The following DYSF variants were observed in gnomAD, a reference collection of about 807,000 sequenced individuals.
The protein encoded by DYSF is dysferlin.
Under a neutral mutation model 274.9 loss-of-function variants are expected in DYSF, and 212 were observed. That is an observed-to-expected ratio of 0.77 (90% CI 0.69 to 0.86). The LOEUF is 0.86. DYSF is among the 40% of genes least tolerant of loss of function. DYSF has a pLI of 0.00. For synonymous variants in DYSF, 1,091 were observed against 1,078.7 expected (o/e 1.01, Z -0.22); for missense variants, 2,666 against 2,783.2 (o/e 0.96, Z 0.95).
chr2:71,658,704 G>A (rs1019956779), intron 43 of DYSF, among the ~76,000 whole-genome samples, 174 bp from the exon 44 acceptor site: 1 of 152,118 alleles, frequency 6.6e-6, no homozygotes, highest in Non-Finnish European at 1.5e-5. Flanking sequence ...TTACTATCAC[G>A]AGAATAGCAT....
At chr2:71,593,283 C>A (rs1296828938) in intron 32 of DYSF, among the ~76,000 whole-genome samples, 1 of 152,010 alleles carries the variant, frequency 6.6e-6, no homozygotes, top group African/African-American at 2.4e-5. Context: ...CAGGCACCCA[C>A]CACCATGCCC....
chr2:71,519,085 T>A (rs2086952570), intron 10 of DYSF, among the ~76,000 whole-genome samples: 1 of 84,370 alleles, frequency 1.2e-5, no homozygotes. Flanking sequence ...AGAGCGACAC[T>A]CCATCTCAAA....
chr2:71,605,151 T>A (rs933964933), intron 36 of DYSF, among the ~76,000 whole-genome samples: 1 of 152,212 alleles, frequency 6.6e-6, no homozygotes, highest in Non-Finnish European at 1.5e-5. Flanking sequence ...TTTCCCTCTC[T>A]TCCTGAGTCT....
At position 71,611,233 on chromosome 2, in the gene DYSF, T is replaced by C; in HGVS notation, c.3958-12T>C. 2 of 1,594,410 alleles carry C rather than the reference T, an allele frequency of 1.3e-6. No homozygotes were observed. Among genetic ancestry groups the C allele is most frequent in the South Asian group, 1.1e-5 (1 of 90,712 alleles). ...CCACCTTTGTCTCCATTCTACCTGC[T>C]GTCCACTGCAGTCTGAGGACACAGA... is the stretch of plus-strand genomic sequence containing the variant. On this transcript the variant is annotated splice_polypyrimidine_tract_variant and intron_variant, in intron 36 of 55. Coordinates refer to ENST00000410020, the MANE Select transcript of DYSF (RefSeq NM_001130987.2).
intron 41 of DYSF, among the ~76,000 whole-genome samples, chr2:71,632,020 G>C (rs1439598463): frequency 6.6e-6 from 1 of 152,026 alleles, no homozygotes; most frequent in Admixed American, 6.6e-5. Flanking sequence ...GGTCTGAGAG[G>C]GATCTCTTTT....
rs563816064 is a variant in DYSF, at chr2:71,603,273, G to A, written c.3957+468G>A. Among the ~76,000 whole-genome samples, 608 of 152,190 alleles carry A rather than the reference G, an allele frequency of 4.0e-3. 4 individuals carry two copies. Among genetic ancestry groups the A allele is most frequent in the African/African-American group, 0.014 (596 of 41,524 alleles). On this transcript the variant is annotated intron_variant, in intron 36 of 55. Transcript: ENST00000410020. ...TGGGTCCTGGCTGGTTTGGGGGATG[G>A]GGCGAGCTGGGGACCTCCTAGGGAC... is the stretch of plus-strand genomic sequence containing the variant.
intron 29 of DYSF, among the ~76,000 whole-genome samples, chr2:71,571,994 A>C (rs981414528): frequency 6.9e-6 from 1 of 144,130 alleles, no homozygotes; most frequent in Non-Finnish European, 1.5e-5. Flanking sequence ...CATCCAGCAC[A>C]CCCAGCACAG....
At chr2:71,542,407 G>T (rs1229616563) in intron 17 of DYSF, among the ~76,000 whole-genome samples, 20 of 149,340 alleles carry the variant, frequency 1.3e-4, no homozygotes. Context: ...ATCATTCTTG[G>T]GTGTTTCTCG....
intron 32 of DYSF, among the ~76,000 whole-genome samples, chr2:71,593,707 C>T (rs1318819488): frequency 6.6e-6 from 1 of 152,184 alleles, no homozygotes; most frequent in Non-Finnish European, 1.5e-5. Context: ...GCCCCCTCTG[C>T]CAGCTAAGAA....
At chr2:71,474,536 T>C (rs2082261002) in intron 1 of DYSF, among the ~76,000 whole-genome samples, 1 of 152,258 alleles carries the variant, frequency 6.6e-6, no homozygotes, top group South Asian at 2.1e-4. Context: ...AACTATTTTC[T>C]TAACAGTTTC....
At chr2:71,512,724 G>A (rs534991009) in intron 5 of DYSF, among the ~76,000 whole-genome samples, 1 of 152,348 alleles carries the variant, frequency 6.6e-6, no homozygotes, top group East Asian at 1.9e-4. Flanking sequence ...GGAGCTAGAA[G>A]CAAGCACAGC....
chr2:71,529,787 G>A (rs1029876802), intron 14 of DYSF, among the ~76,000 whole-genome samples: 15 of 152,232 alleles, frequency 9.9e-5, no homozygotes, highest in African/African-American at 2.9e-4. Context: ...GGACTGCAAA[G>A]TGGTGATTTT....
intron 34 of DYSF, among the ~76,000 whole-genome samples, chr2:71,601,045 A>G (rs1403162826): frequency 6.6e-6 from 1 of 152,208 alleles, no homozygotes. Context: ...ACTGGATTTA[A>G]TCTTCCTTGG....
At chr2:71,658,732 A>G in intron 43 of DYSF, 146 bp from the exon 44 acceptor site, 3 of 900,982 alleles carry the variant, frequency 3.3e-6, no homozygotes, top group African/African-American at 1.7e-5. Context: ...ACTGGCCCCC[A>G]TGATTCAATT....
intron 3 of DYSF, among the ~76,000 whole-genome samples, chr2:71,492,708 C>A (rs1019505974): frequency 6.5e-5 from 9 of 137,542 alleles, no homozygotes; most frequent in South Asian, 2.7e-4. Flanking sequence ...TCCCCCCCCC[C>A]CTTTTCTTTC....
chr2:71,522,946 AGG>A (rs2087462360), intron 12 of DYSF, among the ~76,000 whole-genome samples: 6 of 151,412 alleles, frequency 4.0e-5, no homozygotes, highest in African/African-American at 7.3e-5. Flanking sequence ...ATCCCAAGAC[AGG>A]AGTTTGAGGT....
At chr2:71,668,872 G>A (rs1241847053) in intron 49 of DYSF, 30 bp downstream of exon 49, 2 of 1,606,294 alleles carry the variant, frequency 1.2e-6, no homozygotes, top group African/African-American at 2.7e-5. Flanking sequence ...GCTCTGAGCT[G>A]GGCTGAGGGG....
intron 10 of DYSF, among the ~76,000 whole-genome samples, chr2:71,518,513 C>T (rs952854141): frequency 2.7e-5 from 4 of 150,890 alleles, no homozygotes; most frequent in African/African-American, 9.7e-5. Context: ...GATCTGGCTA[C>T]CTTGGCCTCC....
intron 5 of DYSF, among the ~76,000 whole-genome samples, chr2:71,512,266 G>C (rs2086178644): frequency 6.6e-6 from 1 of 152,230 alleles, no homozygotes; most frequent in Admixed American, 6.5e-5. Flanking sequence ...GTCTGACCCA[G>C]GTGATACCTG....
Sources: allele counts gnomAD v4.1 joint callset (sites outside exome capture counted in the v4.1 genomes callset), GRCh38; gene constraint gnomAD v4.1.1; transcripts MANE v1.5; gene names NCBI Gene and HGNC (gene_info 2026-07-23, HGNC 2026-07-21).